AK7: variants seen among roughly 807,000 people sequenced by gnomAD.
AK7 encodes adenylate kinase 7, also known as ATP-AMP transphosphorylase 7.
In AK7, 78 loss-of-function variants were observed where a neutral mutation model predicts 96.6. The observed-to-expected ratio is 0.81, with a 90% CI of 0.67 to 0.97. The LOEUF is 0.97. AK7 is among the 50% of genes least tolerant of loss of function. The probability of loss-of-function intolerance (pLI) is 0.00; values close to 1 mark genes in which losing one functional copy is unlikely to be tolerated. For synonymous variants in AK7, 302 were observed against 317.2 expected, an observed-to-expected ratio of 0.95 and a Z score of 0.51; for missense variants, 855 against 887.9, an observed-to-expected ratio of 0.96 and a Z score of 0.47.
At chr14:96,406,515 A>G (rs1890721358) in intron 3 of AK7, among the ~76,000 whole-genome samples, 1 of 152,202 alleles carries the variant, frequency 6.6e-6, no homozygotes, top group Non-Finnish European at 1.5e-5. Flanking sequence ...TTTTTGAGAT[A>G]TAGAGTGTTT....
At chr14:96,433,674 C>T (rs1892481472) in intron 5 of AK7, among the ~76,000 whole-genome samples, 2 of 152,202 alleles carry the variant, frequency 1.3e-5, no homozygotes, top group Non-Finnish European at 2.9e-5. Flanking sequence ...CTACTTCTGT[C>T]AACTCGTCAA....
intron 5 of AK7, 70 bp downstream of exon 5, chr14:96,421,002 G>T: frequency 9.1e-7 from 1 of 1,093,456 alleles, no homozygotes; most frequent in Non-Finnish European, 1.4e-6. Flanking sequence ...GGTTTCCTGA[G>T]ACTTACCCCA....
intron 4 of AK7, among the ~76,000 whole-genome samples, chr14:96,414,676 G>T (rs1891221802): frequency 6.6e-6 from 1 of 151,988 alleles, no homozygotes; most frequent in Non-Finnish European, 1.5e-5. Context: ...TGGCCACGAA[G>T]GTGGCAAGAA....
At chr14:96,427,699 A>G (rs1892109749) in intron 5 of AK7, among the ~76,000 whole-genome samples, 1 of 152,206 alleles carries the variant, frequency 6.6e-6, no homozygotes, top group Non-Finnish European at 1.5e-5. Flanking sequence ...CCCTTTGAAT[A>G]AACTGTCTAC....
chr14:96,405,650 AG>A (rs891297256), intron 3 of AK7, among the ~76,000 whole-genome samples: 21 of 152,172 alleles, frequency 1.4e-4, no homozygotes, highest in African/African-American at 5.1e-4. Flanking sequence ...AACTCAACAA[AG>A]GGGGGTGCGC....
Position 96,451,467 on chromosome 14 carries a change from T to C in AK7, c.995T>C (p.Leu332Pro), listed in dbSNP as rs552064132. Residue 332 changes from leucine (L) to proline (P), a missense_variant, in exon 10 of 18, where the codon CTC becomes CCC. By Grantham distance (98) the Leu-to-Pro change is moderately conservative (BLOSUM62 -3). Coordinates refer to ENST00000267584, the MANE Select transcript of AK7 (RefSeq NM_152327.5). ...HLLVNLRMEA[L>P]FVKENFNIRW... ...CTGGTCAACTTAAGAATGGAAGCGCTCTTTGTGAAGGAGAATTTTAATATT... is the reference window on the plus strand; with the variant it reads ...CTGGTCAACTTAAGAATGGAAGCGCCCTTTGTGAAGGAGAATTTTAATATT... The C allele has an allele frequency of 6.3e-7, 1 of 1,598,180 alleles. No homozygotes were observed. Among genetic ancestry groups the C allele is most frequent in the Admixed American group, 1.7e-5 (1 of 57,980 alleles).
intron 4 of AK7, among the ~76,000 whole-genome samples, chr14:96,419,576 G>A (rs1891546859): frequency 6.6e-6 from 1 of 152,118 alleles, no homozygotes; most frequent in Non-Finnish European, 1.5e-5. Flanking sequence ...CAAGGCTGCA[G>A]TAAGCTATGA....
intron 15 of AK7, among the ~76,000 whole-genome samples, chr14:96,481,398 G>A (rs1348786844): frequency 1.1e-4 from 16 of 152,064 alleles, no homozygotes; most frequent in Admixed American, 1.0e-3. Flanking sequence ...CCAGGCTGAA[G>A]TGCAGTGGCG....
In AK7 at chr14:96,458,214, T is replaced by C; in HGVS notation, c.1357+2T>C. 6.2e-7 allele frequency: 1 copy of C among 1,613,478 alleles called. No homozygotes were observed. The highest frequency in any genetic ancestry group is 8.5e-7 in the Non-Finnish European group (1 of 1,179,642). Reference sequence around the variant, plus strand: ...AGGAGAGCATGGAGCAGAATGCAGGTAACACACACCCAGCAGAGAGCCACG... The same window carrying C: ...AGGAGAGCATGGAGCAGAATGCAGGCAACACACACCCAGCAGAGAGCCACG... On this transcript the variant is annotated splice_donor_variant, in intron 12 of 17. Coordinates refer to ENST00000267584, the MANE Select transcript of AK7 (RefSeq NM_152327.5). LOFTEE classifies it high-confidence loss of function.
chr14:96,421,113 C>T (rs1420026813), intron 5 of AK7, among the ~76,000 whole-genome samples, 181 bp downstream of exon 5: 1 of 152,160 alleles, frequency 6.6e-6, no homozygotes, highest in Non-Finnish European at 1.5e-5. Flanking sequence ...TGCATCACCA[C>T]CCAGCCGAGC....
intron 14 of AK7, among the ~76,000 whole-genome samples, chr14:96,473,721 G>A (rs1365639763): frequency 6.6e-6 from 1 of 152,132 alleles, no homozygotes; most frequent in African/African-American, 2.4e-5. Flanking sequence ...GTCTTCCACT[G>A]CTCTCTCCTG....
At chr14:96,461,972 C>G (rs1203595831) in intron 12 of AK7, among the ~76,000 whole-genome samples, 2 of 152,182 alleles carry the variant, frequency 1.3e-5, no homozygotes, top group African/African-American at 4.8e-5. Flanking sequence ...AGTTAAGTAC[C>G]AACTGAGCTC....
intron 1 of AK7, 45 bp downstream of exon 1, chr14:96,392,304 C>A: frequency 6.5e-7 from 1 of 1,535,604 alleles, no homozygotes; most frequent in Non-Finnish European, 9.0e-7. Flanking sequence ...GCTCTCAGCT[C>A]CCAGCCCTCG....
chr14:96,409,398 C>G (rs1010062475), intron 4 of AK7, among the ~76,000 whole-genome samples: 7 of 152,112 alleles, frequency 4.6e-5, no homozygotes, highest in Admixed American at 4.6e-4. Flanking sequence ...ATGGCGAAAC[C>G]CTGTCTCTAC....
chr14:96,414,539 C>A (rs1169723828), intron 4 of AK7, among the ~76,000 whole-genome samples: 1 of 152,166 alleles, frequency 6.6e-6, no homozygotes, highest in African/African-American at 2.4e-5. Context: ...GCTTGGACTG[C>A]TGCTACTAGT....
At chr14:96,424,527 C>T (rs879918809) in intron 5 of AK7, among the ~76,000 whole-genome samples, 4 of 152,160 alleles carry the variant, frequency 2.6e-5, no homozygotes, top group Non-Finnish European at 5.9e-5. Flanking sequence ...AGTGTCATTA[C>T]ATTGTTCCCA....
intron 5 of AK7, among the ~76,000 whole-genome samples, chr14:96,426,922 G>A (rs1351526230): frequency 6.6e-6 from 1 of 152,102 alleles, no homozygotes; most frequent in African/African-American, 2.4e-5. Flanking sequence ...CTGCTATAAA[G>A]AACTAACTGA....
Position 96,412,666 on chromosome 14 carries a change from A to G in AK7, c.498+3725A>G, listed in dbSNP as rs534600724. On this transcript the variant is annotated intron_variant, in intron 4 of 17. Coordinates refer to ENST00000267584, the MANE Select transcript of AK7 (RefSeq NM_152327.5). ...CTGCAGCCTCCACCTCCCAGGTTCAAGTGATTCTCCTGCCTCAGCCTCCCA... is the reference window on the plus strand; with the variant it reads ...CTGCAGCCTCCACCTCCCAGGTTCAGGTGATTCTCCTGCCTCAGCCTCCCA... 7.9e-5 allele frequency among the ~76,000 whole-genome samples: 12 copies of G among 151,694 alleles called. No homozygotes were observed. In the East Asian group the frequency reaches 1.6e-3, roughly 20 times the overall value.
intron 9 of AK7, among the ~76,000 whole-genome samples, chr14:96,451,016 T>C (rs147929285): frequency 6.7e-6 from 1 of 149,794 alleles, no homozygotes; most frequent in South Asian, 2.1e-4. Context: ...CCTTGTGATC[T>C]GCCCGCCTTG....
Sources: gnomAD v4.1 joint callset for allele counts (sites outside exome capture counted in the v4.1 genomes callset) on GRCh38, gnomAD v4.1.1 for gene constraint, MANE v1.5 for transcripts, NCBI Gene and HGNC (gene_info 2026-07-23, HGNC 2026-07-21) for gene names.